The following SPTBN1 variants were observed in gnomAD, a reference collection of about 807,000 sequenced individuals.
SPTBN1 encodes spectrin beta chain, non-erythrocytic 1.
SPTBN1 carries 32 observed loss-of-function variants against 266.4 expected under a neutral mutation model. The observed-to-expected ratio is 0.12, with a 90% confidence interval of 0.09 to 0.16. The LOEUF is 0.16. Ranked by LOEUF, SPTBN1 falls within the 10% of genes least tolerant of loss-of-function variation. SPTBN1 has a pLI of 1.00. For missense variants in SPTBN1, 2,296 were observed against 3,067.1 expected (o/e 0.75, Z 5.94); for synonymous variants, 1,336 against 1,162.2 (o/e 1.15, Z -3.04).
rs1677695268 is a variant in SPTBN1, at chr2:54,617,686, C to T, written c.645C>T (p.His215=). 3.7e-6 allele frequency: 6 copies of T among 1,613,984 alleles called. No homozygotes were observed. The highest frequency in any genetic ancestry group is 5.1e-6 in the Non-Finnish European group (6 of 1,179,880). ...GMAFNALIHK[H]RPDLIDFDKL... ...CCTTCAATGCACTGATACACAAACA[C>T]CGGTAAGTCCATACAAATCATCCTA... The change falls in exon 6 of 36, where the codon CAC becomes CAT. Residue 215 remains histidine (H), a splice_region_variant and synonymous_variant. Transcript: ENST00000356805.
chr2:54,603,644 A>G (rs932066125), intron 3 of SPTBN1, among the ~76,000 whole-genome samples: 7 of 152,184 alleles, frequency 4.6e-5, no homozygotes, highest in African/African-American at 1.7e-4. Flanking sequence ...TTGGGCCAAA[A>G]TAACTAATAC....
At chr2:54,603,889 G>T (rs1264367324) in intron 3 of SPTBN1, among the ~76,000 whole-genome samples, 1 of 152,220 alleles carries the variant, frequency 6.6e-6, no homozygotes, top group African/African-American at 2.4e-5. Context: ...AGTGTCTTCT[G>T]TATTTCCTCT....
At position 54,558,334 on chromosome 2, in the gene SPTBN1, C is replaced by A; in HGVS notation, c.148+31768C>A. 1 of 995,342 alleles carries A rather than the reference C, an allele frequency of 1.0e-6. No individual in the cohort carries two copies. Among genetic ancestry groups the A allele is most frequent in the Non-Finnish European group, 1.2e-6 (1 of 836,214 alleles). 61.7% of individuals were successfully genotyped at this position (995,342 alleles called of 1,614,324 possible). ...AATCAGGTGACATCACCGCCCAGCA[C>A]ACGGCGAGTGGCTCCTGATAAAATT... On this transcript the variant is annotated intron_variant, in intron 2 of 35. Coordinates refer to ENST00000356805, the MANE Select transcript of SPTBN1 (RefSeq NM_003128.3). The surrounding 1 kb of genome is among the most constrained non-coding windows in gnomAD (Gnocchi z 4.6).
At chr2:54,519,743 C>T (rs1391967026) in intron 1 of SPTBN1, among the ~76,000 whole-genome samples, 1 of 152,108 alleles carries the variant, frequency 6.6e-6, no homozygotes, top group East Asian at 1.9e-4. Flanking sequence ...CCTCTGGTAG[C>T]ATTGTAGGGG....
rs754222128 is a variant in SPTBN1 at position 54,629,600 on chromosome 2, C to T, written c.2466C>T (p.Gly822=). The change falls in exon 14 of 36, where the codon GGC becomes GGT. Residue 822 remains glycine, a synonymous_variant. Coordinates refer to ENST00000356805, the MANE Select transcript of SPTBN1 (RefSeq NM_003128.3). The part of the protein sequence containing the change: ...QEHAESPDVR[G]RLSGIEERYK... ...ATGCCGAGTCTCCAGACGTGAGGGG[C>T]AGGCTGTCGGGCATCGAGGAGCGGT... 6.2e-7 allele frequency: 1 copy of T among 1,614,040 alleles called. No homozygotes were observed. Among genetic ancestry groups the T allele is most frequent in the Non-Finnish European group, 8.5e-7 (1 of 1,180,034 alleles).
Position 54,665,954 on chromosome 2 carries a change from A to G in SPTBN1, c.6699A>G (p.Glu2233=). 1 of 1,614,060 alleles carries G rather than the reference A, an allele frequency of 6.2e-7. No individual in the cohort carries two copies. Among genetic ancestry groups the G allele is most frequent in the South Asian group, 1.1e-5 (1 of 91,060 alleles). ...HNVYCVINNQ[E]MGFYKDAKTA... ...TTTATTGTGTCATAAATAACCAAGAAATGGGTTTCTACAAAGATGCAAAGA... is the reference window on the plus strand; with the variant it reads ...TTTATTGTGTCATAAATAACCAAGAGATGGGTTTCTACAAAGATGCAAAGA... The change falls in exon 34 of 36, where the codon GAA becomes GAG. Residue 2233 remains glutamate (E), a synonymous_variant. Coordinates refer to ENST00000356805, the MANE Select transcript of SPTBN1 (RefSeq NM_003128.3).
At position 54,664,583 on chromosome 2, in the gene SPTBN1, G is replaced by A; in HGVS notation, c.6551G>A (p.Ser2184Asn). Residue 2184 changes from serine to asparagine, a missense_variant, in exon 33 of 36, where the codon AGT (serine) becomes AAT (asparagine). Physicochemically the swap from Ser to Asn is conservative, Grantham distance 46 (BLOSUM62 1). Transcript: ENST00000356805. This position sits in a 1 kb window ranked among gnomAD's most constrained non-coding sequence, Gnocchi z 5.6. Reference sequence around the variant, plus strand: ...GCCAAGACTGCCCTCCCAGCCCAGAGTGCCGCCACCTTACCAGCCAGAACC... The same window carrying A: ...GCCAAGACTGCCCTCCCAGCCCAGAATGCCGCCACCTTACCAGCCAGAACC... ...RKAKTALPAQ[S>N]AATLPARTQE... 2 of 1,614,168 alleles carry A rather than the reference G, an allele frequency of 1.2e-6. No individual in the cohort carries two copies. The highest frequency in any genetic ancestry group is 1.7e-6 in the Non-Finnish European group (2 of 1,180,028).
chr2:54,585,162 G>A (rs988877529), intron 2 of SPTBN1, among the ~76,000 whole-genome samples: 1 of 152,182 alleles, frequency 6.6e-6, no homozygotes, highest in Non-Finnish European at 1.5e-5. Flanking sequence ...CAGATGACCA[G>A]TTTTAAGCTT....
At chr2:54,632,151 A>G (rs1678782327) in intron 16 of SPTBN1, among the ~76,000 whole-genome samples, 2 of 151,478 alleles carry the variant, frequency 1.3e-5, no homozygotes, top group African/African-American at 4.9e-5. Context: ...CTTGCTCTAG[A>G]AGGGTCAGGG....
intron 1 of SPTBN1, among the ~76,000 whole-genome samples, chr2:54,506,239 T>A (rs1669549582): frequency 6.6e-6 from 1 of 152,164 alleles, no homozygotes; most frequent in African/African-American, 2.4e-5. Flanking sequence ...CCGTGCTACA[T>A]GTGCTTTCGG....
intron 1 of SPTBN1, among the ~76,000 whole-genome samples, chr2:54,465,666 A>ATATATATATG (rs1408352073): frequency 7.3e-6 from 1 of 137,800 alleles, no homozygotes; most frequent in African/African-American, 2.7e-5. Context: ...ATATATATAT[A>ATATATATATG]TATCTCACAC....
chr2:54,655,264 T>G, intron 28 of SPTBN1, 56 bp downstream of exon 28: 1 of 1,594,038 alleles, frequency 6.3e-7, no homozygotes. Flanking sequence ...AAAATGACTT[T>G]GTTTTATATG....
At chr2:54,527,836 T>C (rs539174040) in intron 2 of SPTBN1, 1 of 152,338 alleles carries the variant, frequency 6.6e-6, no homozygotes, top group Admixed American at 6.5e-5. Flanking sequence ...TGTTGGAGAA[T>C]CTCATGTGCT....
chr2:54,530,507 C>A (rs1010480643), intron 2 of SPTBN1, among the ~76,000 whole-genome samples: 1 of 151,490 alleles, frequency 6.6e-6, no homozygotes, highest in African/African-American at 2.4e-5. Flanking sequence ...TACAGGCGCC[C>A]GCCACCACCC....
At chr2:54,662,465 A>C (rs1681110222) in intron 32 of SPTBN1, 1 of 269,508 alleles carries the variant, frequency 3.7e-6, no homozygotes, top group Non-Finnish European at 5.7e-6. Flanking sequence ...TCTACCTTGC[A>C]GTCTGACCAA....
rs1487927280 is a variant in SPTBN1, at chr2:54,558,811, G to A, written c.148+32245G>A. 2 of 1,613,704 alleles carry A rather than the reference G, an allele frequency of 1.2e-6. No homozygotes were observed. The highest frequency in any genetic ancestry group is 2.2e-5 in the East Asian group (1 of 44,838). On this transcript the variant is annotated intron_variant, in intron 2 of 35. Transcript: ENST00000356805. This position sits in a 1 kb window ranked among gnomAD's most constrained non-coding sequence, Gnocchi z 4.6. ...TGCAGAGGACGTCTAGTATCTCCGG[G>A]CCGCTGTCGCCGGCGTACACGGGGC...
chr2:54,568,819 A>T (rs1394110780), intron 2 of SPTBN1, among the ~76,000 whole-genome samples: 2 of 152,208 alleles, frequency 1.3e-5, no homozygotes, highest in African/African-American at 4.8e-5. Flanking sequence ...CTGTTTTATG[A>T]CTTAAACCTT....
At chr2:54,492,147 C>T (rs1002999694) in intron 1 of SPTBN1, among the ~76,000 whole-genome samples, 1 of 152,052 alleles carries the variant, frequency 6.6e-6, no homozygotes, top group Non-Finnish European at 1.5e-5. Context: ...TAGAGCTAAG[C>T]CATGCTATAA....
chr2:54,637,628 T>A, intron 17 of SPTBN1, 85 bp from the exon 18 acceptor site: 1 of 1,087,920 alleles, frequency 9.2e-7, no homozygotes, highest in Non-Finnish European at 1.4e-6. Context: ...TAGTTAGGAA[T>A]TCAGGAAATA....
Sources: allele counts gnomAD v4.1 joint callset (sites outside exome capture counted in the v4.1 genomes callset), GRCh38; gene constraint gnomAD v4.1.1; non-coding constraint Gnocchi (gnomAD v3.1); transcripts MANE v1.5; gene names NCBI Gene and HGNC (gene_info 2026-07-23, HGNC 2026-07-21).